Variants in GPC6 observed in about 807,000 individuals in gnomAD.
GPC6 encodes glypican-6.
GPC6 carries 14 observed loss-of-function variants against 55.2 expected under a neutral mutation model. The ratio of observed to expected loss-of-function variants is 0.25; its 90% CI spans 0.17 to 0.40. The LOEUF (loss-of-function observed/expected upper bound fraction) is 0.40. Among genes scored for constraint, GPC6 ranks in the 10% least tolerant of loss-of-function variants. GPC6 has a pLI of 1.00. For synonymous variants in GPC6, 278 were observed against 259.6 expected (o/e 1.07, Z -0.68); for missense variants, 641 against 708.5 (o/e 0.90, Z 1.08).
intron 5 of GPC6, among the ~76,000 whole-genome samples, chr13:94,302,239 T>TGCTA (rs1461596164): frequency 2.6e-5 from 4 of 152,218 alleles, no homozygotes; most frequent in Non-Finnish European, 5.9e-5. Context: ...CTGGGAAGTC[T>TGCTA]AAGATCAAGG....
intron 2 of GPC6, among the ~76,000 whole-genome samples, chr13:93,724,561 A>G (rs1461767448): frequency 6.6e-6 from 1 of 152,022 alleles, no homozygotes; most frequent in African/African-American, 2.4e-5. Context: ...ATATTTTGCC[A>G]TGATCTCAAA....
chr13:93,795,281 T>G (rs146038028), intron 2 of GPC6, among the ~76,000 whole-genome samples: 1 of 152,198 alleles, frequency 6.6e-6, no homozygotes. Flanking sequence ...AGAATCAATA[T>G]TATTATCTTT....
chr13:93,623,045 A>G (rs1879026298), intron 2 of GPC6, among the ~76,000 whole-genome samples: 1 of 152,124 alleles, frequency 6.6e-6, no homozygotes, highest in South Asian at 2.1e-4. Context: ...TTGATTTAAC[A>G]TATTATTGTC....
At chr13:93,677,237 C>A (rs979984423) in intron 2 of GPC6, among the ~76,000 whole-genome samples, 2 of 152,100 alleles carry the variant, frequency 1.3e-5, no homozygotes, top group Non-Finnish European at 1.5e-5. Flanking sequence ...TAAAAGATGT[C>A]TTTCACTCTT....
At chr13:93,543,221 T>A (rs574661956) in intron 1 of GPC6, among the ~76,000 whole-genome samples, 1 of 152,130 alleles carries the variant, frequency 6.6e-6, no homozygotes, top group East Asian at 1.9e-4. Flanking sequence ...TTATTGAGAG[T>A]TTTTAGCATG....
At chr13:93,287,620 AT>A (rs538231686) in intron 1 of GPC6, among the ~76,000 whole-genome samples, 1 of 152,230 alleles carries the variant, frequency 6.6e-6, no homozygotes, top group South Asian at 2.1e-4. Context: ...TGTAGCACAT[AT>A]TGCATTTATA....
intron 3 of GPC6, among the ~76,000 whole-genome samples, chr13:93,925,777 G>A (rs4771883): frequency 0.35 from 53,290 of 151,984 alleles, 9,649 homozygotes; most frequent in Middle Eastern, 0.44. Context: ...GAATGTCTGG[G>A]GATGGGCAGA....
intron 4 of GPC6, among the ~76,000 whole-genome samples, chr13:94,054,771 T>C (rs1884074278): frequency 6.6e-6 from 1 of 152,174 alleles, no homozygotes; most frequent in South Asian, 2.1e-4. Context: ...AGGAGACCTG[T>C]GGGAAATTCA....
At chr13:94,173,133 A>G (rs910594634) in intron 4 of GPC6, among the ~76,000 whole-genome samples, 2 of 152,196 alleles carry the variant, frequency 1.3e-5, no homozygotes, top group Admixed American at 6.5e-5. Flanking sequence ...GACTTTGTTT[A>G]GTTTTCTGCC....
intron 1 of GPC6, among the ~76,000 whole-genome samples, chr13:93,514,849 AAAAC>A (rs1238950323): frequency 7.2e-5 from 11 of 152,312 alleles, no homozygotes; most frequent in Middle Eastern, 3.4e-3. Flanking sequence ...CGTGAGGAAA[AAAAC>A]AAACAAACAA....
chr13:93,379,771 G>A (rs1875081114), intron 1 of GPC6, among the ~76,000 whole-genome samples: 1 of 152,068 alleles, frequency 6.6e-6, no homozygotes, highest in Admixed American at 6.6e-5. Context: ...TAAGCAGTGG[G>A]AAAATAAATA....
intron 1 of GPC6, among the ~76,000 whole-genome samples, chr13:93,241,288 T>C (rs1405068553): frequency 1.3e-5 from 2 of 152,242 alleles, no homozygotes; most frequent in Non-Finnish European, 2.9e-5. Flanking sequence ...TTATAGGGTT[T>C]GGATGTTTTA....
intron 4 of GPC6, among the ~76,000 whole-genome samples, chr13:94,151,646 A>G (rs505498): frequency 0.82 from 125,313 of 152,108 alleles, 52,462 homozygotes; most frequent in East Asian, 0.98. Context: ...GGGTGAGTTG[A>G]GGGCCCTGTG....
chr13:93,772,999 G>A (rs1471997986), intron 2 of GPC6, among the ~76,000 whole-genome samples: 1 of 152,092 alleles, frequency 6.6e-6, no homozygotes, highest in Non-Finnish European at 1.5e-5. Context: ...CATGTTCCCG[G>A]TGGGACATTT....
At chr13:94,096,740 T>C (rs1885671712) in intron 4 of GPC6, among the ~76,000 whole-genome samples, 1 of 152,134 alleles carries the variant, frequency 6.6e-6, no homozygotes. Context: ...GCAAACAGAA[T>C]ATTCACCTAT....
chr13:93,772,819 A>G (rs1340396507), intron 2 of GPC6, among the ~76,000 whole-genome samples: 1 of 152,130 alleles, frequency 6.6e-6, no homozygotes, highest in Non-Finnish European at 1.5e-5. Flanking sequence ...AAGTGCCCAG[A>G]TGCACTATCA....
chr13:94,136,186 C>CTTTTTT (rs11321467), intron 4 of GPC6, among the ~76,000 whole-genome samples: 1 of 138,912 alleles, frequency 7.2e-6, no homozygotes. Flanking sequence ...AGTTTAGCAT[C>CTTTTTT]TTTTTTTTTT....
intron 3 of GPC6, among the ~76,000 whole-genome samples, chr13:94,022,934 C>A (rs1882756252): frequency 6.6e-6 from 1 of 151,988 alleles, no homozygotes; most frequent in Non-Finnish European, 1.5e-5. Flanking sequence ...TAGGTGAGAG[C>A]TCAAATAAGT....
chr13:94,271,422 A>G (rs1416825360), intron 4 of GPC6, among the ~76,000 whole-genome samples: 2 of 150,284 alleles, frequency 1.3e-5, no homozygotes, highest in Non-Finnish European at 3.0e-5. Context: ...CATCATGCCC[A>G]CTTCTCTGAG....
Sources: allele counts gnomAD v4.1 joint callset (sites outside exome capture counted in the v4.1 genomes callset), GRCh38; gene constraint gnomAD v4.1.1; transcripts MANE v1.5; gene names NCBI Gene and HGNC (gene_info 2026-07-23, HGNC 2026-07-21).